ABCA13: variants seen among roughly 807,000 people sequenced by gnomAD.
ABCA13 encodes the protein ATP binding cassette subfamily A member 13.
A neutral mutation model predicts 478.7 loss-of-function variants in ABCA13; 476 were observed. The observed-to-expected ratio is 0.99, with a 90% confidence interval of 0.92 to 1.07. ABCA13 has a LOEUF of 1.07. Ranked by LOEUF, ABCA13 falls within the 50% of genes least tolerant of loss-of-function variation. ABCA13 has a pLI of 0.00. For missense variants in ABCA13, 6,060 were observed against 5,910.6 expected, an observed-to-expected ratio of 1.03 and a Z score of -0.83; for synonymous variants, 2,252 against 2,158.9, an observed-to-expected ratio of 1.04 and a Z score of -1.20.
At position 48,455,286 on chromosome 7, in the gene ABCA13, G is replaced by A. The variant is rs201011506; in HGVS notation, c.12815G>A (p.Ser4272Asn). ...CAGCGGGCCGAGACCTACTTTTTCA[G>A]GTAAGTTGTTTTTGTTCCTTTGATT... The part of the protein sequence containing the change: ...HYQRAETYFF[S>N]SGGDNLDLTR... Residue 4272 changes from serine (S) to asparagine (N), a missense_variant and splice_region_variant, in exon 43 of 62, where the codon AGC becomes AAC. Transcript: ENST00000435803. The A allele has an allele frequency of 1.3e-6, 2 of 1,598,086 alleles. No homozygotes were observed. Among genetic ancestry groups the A allele is most frequent in the South Asian group, 1.1e-5 (1 of 89,024 alleles).
In ABCA13 at chr7:48,412,413, A is replaced by G. The variant is rs1819390339; in HGVS notation, c.12289A>G (p.Ile4097Val). The G allele has an allele frequency of 1.9e-6, 3 of 1,613,246 alleles. No homozygotes were observed. Among genetic ancestry groups the G allele is most frequent in the Non-Finnish European group, 2.5e-6 (3 of 1,179,772 alleles). ...GGCTTGTGTTACATCCCTGATAAAG[A>G]TCTATATTCCACAAGCATTTCTCAA... Reference protein sequence around the residue: ...DMACVTSLIKIYIPQAFLKDS... With the variant: ...DMACVTSLIKVYIPQAFLKDS... Residue 4097 changes from isoleucine (I) to valine (V), a missense_variant, in exon 41 of 62, where the codon ATC becomes GTC. Physicochemically the swap from Ile to Val is conservative, Grantham distance 29 (BLOSUM62 3). Around this residue, in one of 3 missense-constraint regions of ABCA13, gnomAD observed 1,627 missense variants for 1,571.0 expected, o/e 1.04. Transcript: ENST00000435803.
chr7:48,412,821 G>GTTTTGTTTTGT (rs1374240116), intron 41 of ABCA13, among the ~76,000 whole-genome samples: 4 of 147,830 alleles, frequency 2.7e-5, no homozygotes, highest in Non-Finnish European at 6.0e-5. Context: ...CTTTTTTTTT[G>GTTTTGTTTTGT]TTTTGTTTTG....
chr7:48,222,075 T>G (rs1787445436), intron 5 of ABCA13, among the ~76,000 whole-genome samples: 1 of 152,026 alleles, frequency 6.6e-6, no homozygotes, highest in South Asian at 2.1e-4. Flanking sequence ...CATAAAACCA[T>G]TAGGAGAAAA....
intron 31 of ABCA13, among the ~76,000 whole-genome samples, chr7:48,353,551 T>G (rs1315316064): frequency 2.6e-5 from 4 of 151,362 alleles, no homozygotes; most frequent in Non-Finnish European, 5.9e-5. Flanking sequence ...CACCCCTGAC[T>G]GGGGCAGAGC....
chr7:48,378,343 C>A (rs905104509), intron 35 of ABCA13, among the ~76,000 whole-genome samples: 1 of 152,048 alleles, frequency 6.6e-6, no homozygotes, highest in Non-Finnish European at 1.5e-5. Context: ...AGAAGAAATT[C>A]TTTCTAAAGT....
At chr7:48,419,561 T>G (rs570466157) in intron 41 of ABCA13, among the ~76,000 whole-genome samples, 1 of 152,258 alleles carries the variant, frequency 6.6e-6, no homozygotes, top group African/African-American at 2.4e-5. Context: ...GCCTCTGCAA[T>G]TTTTTAAATC....
chr7:48,203,148 G>A (rs1003764626), intron 3 of ABCA13, among the ~76,000 whole-genome samples: 8 of 152,344 alleles, frequency 5.3e-5, no homozygotes, highest in East Asian at 1.9e-4. Flanking sequence ...CGCAGCCGCT[G>A]GCCCGGGTGC....
chr7:48,531,386 G>GACTATGGCCTTATAGCAT (rs1470583052), intron 55 of ABCA13, among the ~76,000 whole-genome samples: 1 of 152,050 alleles, frequency 6.6e-6, no homozygotes, highest in African/African-American at 2.4e-5. Context: ...CTGTTTTGGT[G>GACTATGGCCTTATAGCAT]ACTATGGCCT....
At chr7:48,182,629 A>G (rs569047583) in intron 1 of ABCA13, among the ~76,000 whole-genome samples, 1 of 152,340 alleles carries the variant, frequency 6.6e-6, no homozygotes, top group South Asian at 2.1e-4. Context: ...ATTATTTTTC[A>G]ATAGAAAGCC....
chr7:48,596,276 T>A (rs371270693), intron 58 of ABCA13, among the ~76,000 whole-genome samples: 222 of 152,336 alleles, frequency 1.5e-3, no homozygotes, highest in African/African-American at 5.1e-3. Context: ...CATTCACTGA[T>A]AGGTTTGTCT....
At chr7:48,482,989 C>A in intron 46 of ABCA13, 87 bp from the exon 47 acceptor site, 1 of 1,033,870 alleles carries the variant, frequency 9.7e-7, no homozygotes, top group Non-Finnish European at 1.4e-6. Context: ...GACTGCTGTA[C>A]CTGGTGGGGT....
intron 55 of ABCA13, among the ~76,000 whole-genome samples, chr7:48,570,186 C>T (rs1787474115): frequency 6.6e-6 from 1 of 151,780 alleles, no homozygotes; most frequent in South Asian, 2.1e-4. Context: ...GGAATTGACC[C>T]TTCTATTGTT....
At chr7:48,337,918 C>A (rs1806518695) in intron 28 of ABCA13, among the ~76,000 whole-genome samples, 1 of 152,134 alleles carries the variant, frequency 6.6e-6, no homozygotes, top group South Asian at 2.1e-4. Flanking sequence ...AAAGATGCTT[C>A]CGAAGATGAA....
intron 55 of ABCA13, among the ~76,000 whole-genome samples, chr7:48,578,494 T>G (rs976274304): frequency 6.6e-6 from 1 of 152,144 alleles, no homozygotes; most frequent in African/African-American, 2.4e-5. Context: ...AATGAAATAC[T>G]TAGCTATAAA....
At chr7:48,348,555 C>T (rs1330640050) in intron 29 of ABCA13, among the ~76,000 whole-genome samples, 3 of 152,194 alleles carry the variant, frequency 2.0e-5, no homozygotes, top group African/African-American at 7.2e-5. Context: ...GTTTGACGGT[C>T]TTAACTTAAC....
At chr7:48,496,276 G>T (rs1438649694) in intron 48 of ABCA13, among the ~76,000 whole-genome samples, 3 of 151,556 alleles carry the variant, frequency 2.0e-5, no homozygotes, top group African/African-American at 7.3e-5. Flanking sequence ...GTTCTTCTAG[G>T]TGTTATAATA....
chr7:48,363,500 C>A (rs560017330), intron 31 of ABCA13, among the ~76,000 whole-genome samples: 1 of 150,872 alleles, frequency 6.6e-6, no homozygotes, highest in East Asian at 2.0e-4. Flanking sequence ...TTAATGGAGA[C>A]TCTTGATGTA....
intron 58 of ABCA13, among the ~76,000 whole-genome samples, chr7:48,607,639 C>A (rs1791605450): frequency 6.6e-6 from 1 of 152,142 alleles, no homozygotes; most frequent in African/African-American, 2.4e-5. Flanking sequence ...TTTTCCTCCC[C>A]AGTTATGGGG....
intron 38 of ABCA13, among the ~76,000 whole-genome samples, chr7:48,401,940 G>T (rs955109017): frequency 6.6e-6 from 1 of 152,152 alleles, no homozygotes; most frequent in Non-Finnish European, 1.5e-5. Flanking sequence ...GCAGGCCCCA[G>T]CTTCTTTGCA....
Sources: gnomAD v4.1 joint callset for allele counts (sites outside exome capture counted in the v4.1 genomes callset) on GRCh38, gnomAD v4.1.1 for gene constraint, gnomAD v4.1.1 regional missense constraint, MANE v1.5 for transcripts, NCBI Gene and HGNC (gene_info 2026-07-23, HGNC 2026-07-21) for gene names.